Variants in ARAF observed in about 807,000 individuals in gnomAD.
ARAF encodes serine/threonine-protein kinase A-Raf.
In ARAF, 18 loss-of-function variants were observed where a neutral mutation model predicts 48.0. That is an observed-to-expected ratio of 0.37 (90% CI 0.26 to 0.56). The LOEUF is 0.56. ARAF is among the 20% of genes least tolerant of loss of function. The pLI is 0.77. For synonymous variants in ARAF, 207 were observed against 220.1 expected (o/e 0.94, Z 0.53); for missense variants, 389 against 543.1 (o/e 0.72, Z 2.82).
chrX:47,566,643 C>G lies in ARAF; in HGVS notation c.562C>G (p.Arg188Gly). 8.6e-7 allele frequency: 1 copy of G among 1,165,992 alleles called. No individual in the cohort carries two copies. The highest frequency in any genetic ancestry group is 1.1e-6 in the Non-Finnish European group (1 of 871,220). ...ELLTPQGPSP[R>G]TQHCDPEHFP... is the part of the protein sequence containing the mutation. ...TCACAGCCTTTCCCCTGGCAGCCCC[C>G]GCACCCAGCACTGTGACCCGGAGCA... is the stretch of plus-strand genomic sequence containing the variant. Residue 188 changes from arginine to glycine, a missense_variant, in exon 7 of 16, where the codon CGC (arginine) becomes GGC (glycine). This residue lies in a region of ARAF where 154 missense variants were observed against 133.6 expected (regional missense o/e 1.15). Transcript: ENST00000377045.
chrX:47,565,890 C>T (rs1334370482), intron 6 of ARAF: 9 of 155,883 alleles, frequency 5.8e-5, no homozygotes, highest in African/African-American at 2.9e-4. Context: ...GTTATTGTAT[C>T]ATGTTGTATT....
Position 47,571,441 on chromosome X carries a change from CCCG to C in ARAF, c.1808_1810del (p.Arg603del), listed in dbSNP as rs1002763115. On this transcript the variant is annotated inframe_deletion, in exon 16 of 16. Coordinates refer to ENST00000377045, the MANE Select transcript of ARAF (RefSeq NM_001654.5). ...TTGCCTGCCTGCCTACTCAGCGCAG[CCCG>C]CCTTGTGCCTTAGGCCCCGCCCAAG... is the stretch of plus-strand genomic sequence containing the variant. 8.3e-7 allele frequency: 1 copy of C among 1,205,833 alleles called. No individual in the cohort carries two copies. Among genetic ancestry groups the C allele is most frequent in the African/African-American group, 1.7e-5 (1 of 57,838 alleles).
rs996673527 is a variant in ARAF at position 47,571,629 on chromosome X, A to C, written c.*172A>C. The C allele has an allele frequency of 1.4e-6, 1 of 694,817 alleles. No homozygotes were observed. The allele number at this position is 694,817 out of a possible 1,213,427, so 57.3% of individuals were successfully genotyped here. A position where few individuals can be genotyped will look rare whatever the true frequency, so the allele number is the denominator to read the frequency against. On this transcript the variant is annotated 3_prime_UTR_variant, in exon 16 of 16. Coordinates refer to ENST00000377045, the MANE Select transcript of ARAF (RefSeq NM_001654.5). ...TTTCCAGTTCTTCTGGAATTGGGGG[A>C]CCCCCGCCAAAGACTGAGCCCCCTG... is the stretch of plus-strand genomic sequence containing the variant.
chrX:47,567,853 T>C (rs1198212239), intron 10 of ARAF, among the ~76,000 whole-genome samples: 1 of 111,305 alleles, frequency 9.0e-6, no homozygotes, highest in Non-Finnish European at 1.9e-5. Context: ...ATTTAAACAA[T>C]ATTATCATCA....
In ARAF at chrX:47,570,930, C is replaced by G; in HGVS notation, c.1604C>G (p.Ser535Cys). Reference protein sequence around the residue: ...GYLSPDLSKISSNCPKAMRRL... With the variant: ...GYLSPDLSKICSNCPKAMRRL... The stretch of plus-strand genomic sequence containing the variant: ...CTGTCCCCGGACCTCAGCAAAATCT[C>G]CAGCAACTGCCCCAAGGCCATGCGG... The change falls in exon 15 of 16, where the codon TCC (serine) becomes TGC (cysteine). Residue 535 changes from serine (S) to cysteine (C), a missense_variant. Physicochemically the swap from Ser to Cys is moderately radical, Grantham distance 112. This residue lies in a region of ARAF where 170 missense variants were observed against 281.4 expected (regional missense o/e 0.60). Transcript: ENST00000377045. The G allele has an allele frequency of 8.3e-7, 1 of 1,211,869 alleles. No individual in the cohort carries two copies. Among genetic ancestry groups the G allele is most frequent in the East Asian group, 3.0e-5 (1 of 33,835 alleles).
Position 47,563,137 on chromosome X carries a change from C to T in ARAF, c.96+74C>T, listed in dbSNP as rs1023167131. ...AACTCTGGGATCAAAAGGGTGACAACGGTTGGGGGAGGCCTTTGCAGAAGG... is the reference window on the plus strand; with the variant it reads ...AACTCTGGGATCAAAAGGGTGACAATGGTTGGGGGAGGCCTTTGCAGAAGG... On this transcript the variant is annotated intron_variant, in intron 2 of 15. Coordinates refer to ENST00000377045, the MANE Select transcript of ARAF (RefSeq NM_001654.5). 26 of 1,148,343 alleles carry T rather than the reference C, an allele frequency of 2.3e-5. No individual in the cohort carries two copies. In the Admixed American group the frequency reaches 4.4e-4, roughly 20 times the overall value. The allele number at this position is 1,148,343 out of a possible 1,213,427, so 94.6% of individuals were successfully genotyped here.
chrX:47,571,682 G>T lies in ARAF; in HGVS notation c.*225G>T. The T allele has an allele frequency of 2.2e-6, 1 of 445,163 alleles. No individual in the cohort carries two copies. Among genetic ancestry groups the T allele is most frequent in the African/African-American group, 2.5e-5 (1 of 40,570 alleles). 36.7% of individuals were successfully genotyped at this position (445,163 alleles called of 1,213,427 possible). ...TCCTCCATCATTTGGTTTCCTCTTG[G>T]CTTTGGGGATACTTCTAAATTTTGG... is the stretch of plus-strand genomic sequence containing the variant. On this transcript the variant is annotated 3_prime_UTR_variant, in exon 16 of 16. Coordinates refer to ENST00000377045, the MANE Select transcript of ARAF (RefSeq NM_001654.5).
chrX:47,568,241 T>G lies in ARAF; in HGVS notation c.1077-477T>G, dbSNP rs143306300. 8.1e-3 allele frequency among the ~76,000 whole-genome samples: 902 copies of G among 111,759 alleles called. 2 individuals are homozygous for G. Among genetic ancestry groups the G allele is most frequent in the Middle Eastern group, 0.019 (4 of 216 alleles). ...GAGTCCAGACTCCAAGCTCTTTACC[T>G]CTAAGCTTCTCATGCTGCTGAACAG... On this transcript the variant is annotated intron_variant, in intron 10 of 15. Transcript: ENST00000377045.
In ARAF at chrX:47,563,319, CTCA is replaced by C; in HGVS notation, c.194_196del (p.Ile65del). The C allele has an allele frequency of 8.3e-7, 1 of 1,208,583 alleles. No individual in the cohort carries two copies. Among genetic ancestry groups the C allele is most frequent in the Non-Finnish European group, 1.1e-6 (1 of 893,385 alleles). ...TCAGGACTGCTGTGTGGTCTACCGA[CTCA>C]TCAAGGGGTGAGTGTGGCAGCCCCA... is the stretch of plus-strand genomic sequence containing the variant. On this transcript the variant is annotated inframe_deletion, in exon 3 of 16. Coordinates refer to ENST00000377045, the MANE Select transcript of ARAF (RefSeq NM_001654.5).
At chrX:47,563,129 G>A (rs1013087541) in intron 2 of ARAF, 66 bp downstream of exon 2, 2 of 1,149,805 alleles carry the variant, frequency 1.7e-6, no homozygotes, top group African/African-American at 1.8e-5. Flanking sequence ...GGATCAAAAG[G>A]GTGACAACGG....
intron 10 of ARAF, among the ~76,000 whole-genome samples, chrX:47,567,697 T>C (rs1233170193): frequency 9.0e-6 from 1 of 111,459 alleles, no homozygotes; most frequent in Non-Finnish European, 1.9e-5. Flanking sequence ...ATTTGCCTGC[T>C]GCGAACTGGG....
intron 9 of ARAF, 33 bp downstream of exon 9, chrX:47,567,164 A>T (rs2147906917): frequency 8.3e-7 from 1 of 1,209,914 alleles, no homozygotes; most frequent in Non-Finnish European, 1.1e-6. Flanking sequence ...TGGGGCCACC[A>T]AGGCTGAGTG....
Position 47,571,462 on chromosome X carries a change from C to T in ARAF, c.*5C>T, listed in dbSNP as rs766393500. 1.8e-5 allele frequency: 21 copies of T among 1,199,201 alleles called. No homozygotes were observed. Among genetic ancestry groups the T allele is most frequent in the Non-Finnish European group, 2.2e-5 (20 of 889,824 alleles). On this transcript the variant is annotated 3_prime_UTR_variant, in exon 16 of 16. Coordinates refer to ENST00000377045, the MANE Select transcript of ARAF (RefSeq NM_001654.5). ...GCAGCCCGCCTTGTGCCTTAGGCCC[C>T]GCCCAAGCCACCAGGGAGCCAATCT... is the stretch of plus-strand genomic sequence containing the variant.
chrX:47,564,685 C>A, intron 3 of ARAF, 112 bp from the exon 4 acceptor site: 1 of 566,096 alleles, frequency 1.8e-6, no homozygotes, highest in Non-Finnish European at 2.9e-6. Context: ...GAGAATTAAA[C>A]ATGCCAGACA....
chrX:47,562,536 C>T (rs1201028496), intron 1 of ARAF, among the ~76,000 whole-genome samples: 3 of 106,105 alleles, frequency 2.8e-5, no homozygotes, highest in African/African-American at 1.0e-4. Flanking sequence ...ACATTCTGTT[C>T]GTGCTTCTTA....
At chrX:47,567,200 C>T (rs1374988389) in intron 9 of ARAF, 30 bp from the exon 10 acceptor site, 1 of 1,208,791 alleles carries the variant, frequency 8.3e-7, no homozygotes. Context: ...TGTGGGCAGG[C>T]CTCTTAGATG....
chrX:47,567,715 G>C (rs2057739700), intron 10 of ARAF, among the ~76,000 whole-genome samples: 1 of 111,138 alleles, frequency 9.0e-6, no homozygotes, highest in African/African-American at 3.3e-5. Context: ...GGGTCTGTGT[G>C]TGGGCCACCA....
At chrX:47,564,598 CTT>C (rs1245337828) in intron 3 of ARAF, among the ~76,000 whole-genome samples, 197 bp from the exon 4 acceptor site, 1 of 112,409 alleles carries the variant, frequency 8.9e-6, no homozygotes, top group East Asian at 2.8e-4. Flanking sequence ...GGGCCAGTCA[CTT>C]TATCCCTCTG....
rs749734176 is a variant in ARAF at position 47,565,106 on chromosome X, C to T, written c.425C>T (p.Thr142Ile). 1 of 1,211,761 alleles carries T rather than the reference C, an allele frequency of 8.3e-7. No individual in the cohort carries two copies. Among genetic ancestry groups the T allele is most frequent in the Non-Finnish European group, 1.1e-6 (1 of 895,428 alleles). The change falls in exon 5 of 16, where the codon ACA becomes ATA. Residue 142 changes from threonine to isoleucine, a missense_variant. Coordinates refer to ENST00000377045, the MANE Select transcript of ARAF (RefSeq NM_001654.5). ...FHQHCSSKVPTVCVDMSTNRQ... is the reference protein window; with the variant it reads ...FHQHCSSKVPIVCVDMSTNRQ... ...CAGCATTGTTCCTCCAAGGTCCCCACAGTCTGTGTTGACATGAGTACCAAC... is the reference window on the plus strand; with the variant it reads ...CAGCATTGTTCCTCCAAGGTCCCCATAGTCTGTGTTGACATGAGTACCAAC...
Sources: allele counts gnomAD v4.1 joint callset (sites outside exome capture counted in the v4.1 genomes callset), GRCh38; gene constraint gnomAD v4.1.1; regional missense constraint gnomAD v4.1.1; transcripts MANE v1.5; gene names NCBI Gene and HGNC (gene_info 2026-07-23, HGNC 2026-07-21).